DLGAP2: variants seen among roughly 807,000 people sequenced by gnomAD.
DLGAP2 encodes the protein DLG associated protein 2, also known as disks large-associated protein 2.
DLGAP2 carries 26 observed loss-of-function variants against 100.3 expected under a neutral mutation model. That is an observed-to-expected ratio of 0.26 (90% CI 0.19 to 0.36). The LOEUF (loss-of-function observed/expected upper bound fraction) is 0.36, where lower values mean the gene tolerates loss of function less well. DLGAP2 is among the 10% of genes least tolerant of loss of function. DLGAP2 has a pLI of 1.00. For synonymous variants in DLGAP2, 886 were observed against 630.1 expected, an observed-to-expected ratio of 1.41 and a Z score of -6.08; for missense variants, 1,858 against 1,453.2, an observed-to-expected ratio of 1.28 and a Z score of -4.53.
At chr8:913,518 T>C (rs551112852) in intron 2 of DLGAP2, among the ~76,000 whole-genome samples, 78 of 152,326 alleles carry the variant, frequency 5.1e-4, no homozygotes, top group Non-Finnish European at 8.7e-4. Flanking sequence ...CTCTGTGGCA[T>C]AGGATTCCTA....
At position 812,532 on chromosome 8, in the gene DLGAP2, CAA is replaced by C. The variant is rs1335932368; in HGVS notation, c.18+74709_18+74710del. Among the ~76,000 whole-genome samples, 4 of 152,246 alleles carry C rather than the reference CAA, an allele frequency of 2.6e-5. No individual in the cohort carries two copies. The East Asian group carries it at 5.8e-4, about 22-fold the overall frequency. On this transcript the variant is annotated intron_variant, in intron 1 of 14. Coordinates refer to ENST00000637795, the MANE Select transcript of DLGAP2 (RefSeq NM_001346810.2). ...AGAAATCAGGTGTGGCATTTTGTGG[CAA>C]AGACAGTGTCATTAGAGAAGGTAGT...
chr8:1,081,057 T>TTTTAATCTCAATAAATTAATTAATTTAA (rs1803791452), intron 2 of DLGAP2, among the ~76,000 whole-genome samples: 1 of 152,212 alleles, frequency 6.6e-6, no homozygotes, highest in Non-Finnish European at 1.5e-5. Flanking sequence ...TTTATTGAGG[T>TTTTAATCTCAATAAATTAATTAATTTAA]GATGATTATA....
chr8:881,180 C>T (rs1006740549), intron 1 of DLGAP2, among the ~76,000 whole-genome samples: 8 of 152,172 alleles, frequency 5.3e-5, no homozygotes, highest in Non-Finnish European at 1.0e-4. Context: ...GAAAGTTAAG[C>T]GACCTAGGAT....
intron 1 of DLGAP2, among the ~76,000 whole-genome samples, chr8:870,130 C>T (rs1278816437): frequency 6.6e-6 from 1 of 152,048 alleles, no homozygotes; most frequent in Non-Finnish European, 1.5e-5. Flanking sequence ...TTCTCTCTGG[C>T]TTCTGTAATA....
intron 1 of DLGAP2, among the ~76,000 whole-genome samples, chr8:751,073 T>A (rs1820778374): frequency 6.7e-6 from 1 of 148,766 alleles, no homozygotes. Flanking sequence ...GGCCACCCTC[T>A]CACGGGAAGG....
intron 4 of DLGAP2, among the ~76,000 whole-genome samples, chr8:1,515,529 GAC>G (rs778151039): frequency 2.1e-4 from 32 of 152,030 alleles, no homozygotes; most frequent in South Asian, 8.3e-4. Context: ...TGCACATGCA[GAC>G]ACACATGCAG....
intron 2 of DLGAP2, among the ~76,000 whole-genome samples, chr8:1,155,655 C>T (rs951180102): frequency 2.0e-5 from 3 of 152,084 alleles, no homozygotes; most frequent in South Asian, 4.1e-4. Flanking sequence ...TTCCGGACTC[C>T]GAGACCCCCA....
chr8:1,187,160 A>G (rs1484777937), intron 2 of DLGAP2, among the ~76,000 whole-genome samples: 2 of 152,238 alleles, frequency 1.3e-5, no homozygotes, highest in African/African-American at 2.4e-5. Context: ...CAATTTAACA[A>G]TGGGGGCAAT....
intron 7 of DLGAP2, among the ~76,000 whole-genome samples, chr8:1,629,954 C>T (rs1797602335): frequency 6.6e-6 from 1 of 152,144 alleles, no homozygotes; most frequent in Non-Finnish European, 1.5e-5. Context: ...CAAAATAAGT[C>T]AGTGAAAATA....
intron 3 of DLGAP2, among the ~76,000 whole-genome samples, chr8:1,313,309 G>C (rs1410944627): frequency 6.6e-6 from 1 of 152,176 alleles, no homozygotes; most frequent in Non-Finnish European, 1.5e-5. Context: ...TGATTTAACA[G>C]TTAGAATGTA....
At chr8:803,931 A>G (rs1423641789) in intron 1 of DLGAP2, among the ~76,000 whole-genome samples, 1 of 152,224 alleles carries the variant, frequency 6.6e-6, no homozygotes, top group Non-Finnish European at 1.5e-5. Flanking sequence ...CAGATTATGG[A>G]TAGAAAGATG....
chr8:1,616,929 C>G (rs960843607), intron 6 of DLGAP2, among the ~76,000 whole-genome samples: 4 of 152,164 alleles, frequency 2.6e-5, no homozygotes, highest in African/African-American at 7.2e-5. Flanking sequence ...GTTTTCCTCT[C>G]TGTGTCCATG....
intron 3 of DLGAP2, among the ~76,000 whole-genome samples, chr8:1,384,060 C>G (rs944875173): frequency 2.0e-5 from 3 of 152,142 alleles, no homozygotes; most frequent in Non-Finnish European, 2.9e-5. Context: ...CTCATTCAGA[C>G]GTTGGGAAAC....
chr8:1,212,280 G>T lies in DLGAP2; in HGVS notation c.74-46571G>T, dbSNP rs150469865. On this transcript the variant is annotated intron_variant, in intron 2 of 14. Transcript: ENST00000637795. ...CCAGGGAAAGAAGGGATTGGACTTG[G>T]AGCTGCTTTCAGTTCTAAGGGAAGA... 2.8e-4 allele frequency among the ~76,000 whole-genome samples: 43 copies of T among 152,320 alleles called. No homozygotes were observed. In the East Asian group the frequency reaches 7.3e-3, roughly 26 times the overall value.
chr8:1,060,650 G>A (rs1256109400), intron 2 of DLGAP2, among the ~76,000 whole-genome samples: 1 of 152,216 alleles, frequency 6.6e-6, no homozygotes, highest in African/African-American at 2.4e-5. Context: ...ACATTCTGAA[G>A]ATCCCAGTGG....
chr8:1,463,977 C>G (rs759892904), intron 3 of DLGAP2, among the ~76,000 whole-genome samples: 6 of 152,210 alleles, frequency 3.9e-5, no homozygotes, highest in Non-Finnish European at 8.8e-5. Context: ...CACATAACAA[C>G]TGAGGAAGGA....
At chr8:1,460,618 T>G (rs1798446891) in intron 3 of DLGAP2, among the ~76,000 whole-genome samples, 1 of 152,208 alleles carries the variant, frequency 6.6e-6, no homozygotes, top group Non-Finnish European at 1.5e-5. Flanking sequence ...TTGTAAAATT[T>G]GATTCTTTTT....
chr8:1,256,132 C>G (rs80233762), intron 2 of DLGAP2, among the ~76,000 whole-genome samples: 2,381 of 84,034 alleles, frequency 0.028, 233 homozygotes, highest in African/African-American at 0.12. Flanking sequence ...TGGGTGCTTT[C>G]TGTGTCCTCT....
At chr8:972,895 G>A (rs1192458121) in intron 2 of DLGAP2, among the ~76,000 whole-genome samples, 1 of 152,184 alleles carries the variant, frequency 6.6e-6, no homozygotes, top group Non-Finnish European at 1.5e-5. Flanking sequence ...ATTTAACCCT[G>A]AGTGGACACA....
Sources: gnomAD v4.1 joint callset for allele counts (sites outside exome capture counted in the v4.1 genomes callset) on GRCh38, gnomAD v4.1.1 for gene constraint, MANE v1.5 for transcripts, NCBI Gene and HGNC (gene_info 2026-07-23, HGNC 2026-07-21) for gene names.